The following AGBL4 variants were observed in gnomAD, a reference collection of about 807,000 sequenced individuals.
The protein encoded by AGBL4 is AGBL carboxypeptidase 4.
AGBL4 carries 58 observed loss-of-function variants against 66.4 expected under a neutral mutation model. The ratio of observed to expected loss-of-function variants is 0.87; its 90% CI spans 0.71 to 1.09. The LOEUF (loss-of-function observed/expected upper bound fraction) is 1.09. AGBL4 is among the 50% of genes least tolerant of loss of function. AGBL4 has a pLI of 0.00. For missense variants in AGBL4, 579 were observed against 631.0 expected (o/e 0.92, Z 0.88); for synonymous variants, 234 against 222.9 (o/e 1.05, Z -0.44).
At chr1:49,808,636 A>G (rs181991743) in intron 2 of AGBL4, among the ~76,000 whole-genome samples, 3 of 152,328 alleles carry the variant, frequency 2.0e-5, no homozygotes, top group Admixed American at 1.3e-4. Flanking sequence ...CCGTTTAAGA[A>G]TATCACTTGT....
intron 1 of AGBL4, among the ~76,000 whole-genome samples, chr1:49,966,600 C>A (rs954187416): frequency 2.6e-5 from 4 of 151,978 alleles, no homozygotes; most frequent in African/African-American, 9.7e-5. Context: ...AGCAGTGAAA[C>A]AGTGTGAAAA....
the AGBL4 span, among the ~76,000 whole-genome samples, chr1:48,525,018 CA>C: frequency 6.6e-6 from 1 of 152,010 alleles, no homozygotes; most frequent in Non-Finnish European, 1.5e-5. Flanking sequence ...TCAGCATCAC[CA>C]AAATGTTCTG....
At chr1:48,859,828 C>A (rs1011579406) in intron 6 of AGBL4, among the ~76,000 whole-genome samples, 1 of 152,026 alleles carries the variant, frequency 6.6e-6, no homozygotes, top group African/African-American at 2.4e-5. Context: ...GAGATATAGA[C>A]CAAAATTTTT....
At chr1:49,114,940 A>C (rs1373987804) in intron 4 of AGBL4, among the ~76,000 whole-genome samples, 1 of 152,262 alleles carries the variant, frequency 6.6e-6, no homozygotes, top group East Asian at 1.9e-4. Flanking sequence ...AAAGTTTGAA[A>C]TATTGCAAGA....
chr1:48,999,040 GT>G (rs1172512915), intron 5 of AGBL4, among the ~76,000 whole-genome samples: 21 of 152,330 alleles, frequency 1.4e-4, no homozygotes, highest in Admixed American at 4.6e-4. Context: ...TCCTTTTGGA[GT>G]TGTTTTACTG....
intron 1 of AGBL4, among the ~76,000 whole-genome samples, chr1:50,020,645 G>C (rs569892287): frequency 6.6e-6 from 1 of 152,152 alleles, no homozygotes; most frequent in Non-Finnish European, 1.5e-5. Flanking sequence ...AATGAATCTG[G>C]GTAACATTTA....
At chr1:48,813,013 T>C (rs1012033147) in intron 6 of AGBL4, among the ~76,000 whole-genome samples, 2 of 151,968 alleles carry the variant, frequency 1.3e-5, no homozygotes, top group African/African-American at 2.4e-5. Context: ...TAATGCTAAA[T>C]GACGAGTTAA....
intron 3 of AGBL4, among the ~76,000 whole-genome samples, chr1:49,497,421 T>C (rs1647703203): frequency 6.6e-6 from 1 of 152,004 alleles, no homozygotes; most frequent in Non-Finnish European, 1.5e-5. Context: ...TTTGGGGTCA[T>C]ATCCAAAAAA....
intron 2 of AGBL4, among the ~76,000 whole-genome samples, chr1:49,748,163 C>T (rs1034369613): frequency 6.6e-6 from 1 of 151,998 alleles, no homozygotes; most frequent in African/African-American, 2.4e-5. Context: ...CCTCCCCTTG[C>T]GCCCCACCCC....
the AGBL4 span, among the ~76,000 whole-genome samples, chr1:48,524,072 G>A: frequency 6.6e-6 from 1 of 152,180 alleles, no homozygotes; most frequent in African/African-American, 2.4e-5. Flanking sequence ...GGTGGTGTGT[G>A]ACTGTATTTC....
At chr1:49,697,245 T>C in intron 3 of AGBL4, 68 bp downstream of exon 3, 1 of 1,447,718 alleles carries the variant, frequency 6.9e-7, no homozygotes, top group Non-Finnish European at 9.3e-7. Flanking sequence ...TTTTGATATT[T>C]CTAAAAGAAG....
At chr1:49,621,444 G>A (rs1383539835) in intron 3 of AGBL4, among the ~76,000 whole-genome samples, 2 of 152,116 alleles carry the variant, frequency 1.3e-5, no homozygotes, top group Non-Finnish European at 2.9e-5. Context: ...TGCTGAGAAA[G>A]GTAAAAACAC....
chr1:49,952,037 A>C (rs1368482487), intron 1 of AGBL4, among the ~76,000 whole-genome samples: 1 of 151,900 alleles, frequency 6.6e-6, no homozygotes, highest in Admixed American at 6.6e-5. Flanking sequence ...TAATGGGTAA[A>C]GAGTTTCTGT....
In AGBL4 at chr1:48,646,809, C is replaced by T. The variant is rs147168276; in HGVS notation, c.839+6528G>A. ...CCGTGGTAATTATGTGCTTCAACCT[C>T]CCCCTCTACTTAAAGTAGGAGCATC... is the stretch of plus-strand genomic sequence containing the variant. On this transcript the variant is annotated intron_variant, in intron 8 of 13. Transcript: ENST00000371839. 3.9e-3 allele frequency among the ~76,000 whole-genome samples: 598 copies of T among 152,200 alleles called. 1 individual carries two copies. The highest frequency in any genetic ancestry group is 0.014 in the African/African-American group (561 of 41,526).
At chr1:49,173,378 A>C (rs1482669590) in intron 4 of AGBL4, among the ~76,000 whole-genome samples, 1 of 152,172 alleles carries the variant, frequency 6.6e-6, no homozygotes, top group Non-Finnish European at 1.5e-5. Flanking sequence ...CCAATAGTAA[A>C]CTAGAAAAGA....
At chr1:49,816,787 T>C (rs1051000124) in intron 2 of AGBL4, among the ~76,000 whole-genome samples, 1 of 152,190 alleles carries the variant, frequency 6.6e-6, no homozygotes, top group Non-Finnish European at 1.5e-5. Flanking sequence ...GCATCTCTAA[T>C]ACTGCTCATA....
chr1:48,660,647 A>T (rs1460880039), intron 7 of AGBL4, among the ~76,000 whole-genome samples: 1 of 152,236 alleles, frequency 6.6e-6, no homozygotes, highest in Non-Finnish European at 1.5e-5. Context: ...CACTGCCTCA[A>T]GGAAGTATGA....
Position 48,776,572 on chromosome 1 carries a change from G to A in AGBL4, c.634+90619C>T, listed in dbSNP as rs778683598. ...CCTCCCGGGGTCCCAGCCCCCGCCCGGGTCCCACCGTCCCTCCCCGCCCGC... is the reference window on the plus strand; with the variant it reads ...CCTCCCGGGGTCCCAGCCCCCGCCCAGGTCCCACCGTCCCTCCCCGCCCGC... On this transcript the variant is annotated intron_variant, in intron 6 of 13. Coordinates refer to ENST00000371839, the MANE Select transcript of AGBL4 (RefSeq NM_032785.4). 32 of 580,048 alleles carry A rather than the reference G, an allele frequency of 5.5e-5. 1 individual carries two copies. The South Asian group carries it at 6.9e-4, about 13-fold the overall frequency. The allele number at this position is 580,048 out of a possible 1,614,324, so 35.9% of individuals were successfully genotyped here. A position where few individuals can be genotyped will look rare whatever the true frequency, so the allele number is the denominator to read the frequency against.
intron 3 of AGBL4, among the ~76,000 whole-genome samples, chr1:49,696,991 C>A (rs1188874751): frequency 6.6e-6 from 1 of 152,108 alleles, no homozygotes; most frequent in Non-Finnish European, 1.5e-5. Flanking sequence ...GAACAATACC[C>A]TTTGTAAACA....
Sources: allele counts gnomAD v4.1 joint callset (sites outside exome capture counted in the v4.1 genomes callset), GRCh38; gene constraint gnomAD v4.1.1; transcripts MANE v1.5; gene names NCBI Gene and HGNC (gene_info 2026-07-23, HGNC 2026-07-21).